Variants in CHD1L observed in about 807,000 individuals in gnomAD.
CHD1L encodes the protein chromodomain helicase DNA binding protein 1 like.
Under a neutral mutation model 115.9 loss-of-function variants are expected in CHD1L, and 118 were observed. That is an observed-to-expected ratio of 1.02 (90% CI 0.88 to 1.19). The LOEUF is 1.19. Ranked by LOEUF, CHD1L falls within the 50% of genes most tolerant of loss-of-function variation. The pLI is 0.00. For synonymous variants in CHD1L, 411 were observed against 387.1 expected (o/e 1.06, Z -0.72); for missense variants, 1,179 against 1,065.3 (o/e 1.11, Z -1.49).
intron 15 of CHD1L, among the ~76,000 whole-genome samples, chr1:147,282,703 A>C (rs1175824602): frequency 1.3e-5 from 2 of 152,230 alleles, no homozygotes; most frequent in African/African-American, 4.8e-5. Flanking sequence ...CAACACACTC[A>C]GTTCTGTACT....
chr1:147,227,964 T>C, the CHD1L span, among the ~76,000 whole-genome samples: 1 of 151,586 alleles, frequency 6.6e-6, no homozygotes, highest in African/African-American at 2.4e-5. Flanking sequence ...CAGGCTGGAG[T>C]GCAAGTGGTG....
intron 6 of CHD1L, among the ~76,000 whole-genome samples, chr1:147,263,726 G>A (rs1243959024): frequency 2.0e-5 from 3 of 151,682 alleles, no homozygotes; most frequent in Non-Finnish European, 4.4e-5. Flanking sequence ...TACTCTTGGT[G>A]TTCTTCTCTG....
intron 19 of CHD1L, among the ~76,000 whole-genome samples, chr1:147,291,111 G>A (rs1308348560): frequency 2.0e-5 from 3 of 152,120 alleles, no homozygotes; most frequent in African/African-American, 7.2e-5. Context: ...AACAGGTAGA[G>A]ATAAAGTAGA....
At chr1:147,223,936 C>G in the CHD1L span, 2 of 373,130 alleles carry the variant, frequency 5.4e-6, no homozygotes, top group Non-Finnish European at 1.0e-5. Context: ...AAGGGGATAC[C>G]CCCATCGAGA....
rs782557151 is a variant in CHD1L, at chr1:147,268,830, G to C, written c.1037G>C (p.Ser346Thr). 6.2e-7 allele frequency: 1 copy of C among 1,613,692 alleles called. No homozygotes were observed. The highest frequency in any genetic ancestry group is 1.3e-5 in the African/African-American group (1 of 74,908). The change falls in exon 10 of 23, where the codon AGT becomes ACT. Residue 346 changes from serine (S) to threonine (T), a missense_variant. Coordinates refer to ENST00000369258, the MANE Select transcript of CHD1L (RefSeq NM_004284.6). ...FEVGDHLTEA[S>T]GKLHLLDKLL... is the part of the protein sequence containing the mutation. ...GTTGGAGACCACCTGACTGAGGCTA[G>C]TGGGAAGCTTCACCTGCTGGATAAG...
the CHD1L span, chr1:147,178,195 C>T: frequency 6.2e-7 from 1 of 1,612,506 alleles, no homozygotes. Flanking sequence ...CTCCGACGTG[C>T]TAGGACTCAG....
the CHD1L span, among the ~76,000 whole-genome samples, chr1:147,227,674 T>C: frequency 6.6e-6 from 1 of 152,192 alleles, no homozygotes; most frequent in Admixed American, 6.5e-5. Flanking sequence ...GACAGCAATA[T>C]TATGAGTGAG....
chr1:147,185,989 A>T, the CHD1L span, among the ~76,000 whole-genome samples: 1 of 152,226 alleles, frequency 6.6e-6, no homozygotes, highest in Non-Finnish European at 1.5e-5. Context: ...TGACTTGTTC[A>T]AATACTTACT....
chr1:147,272,844 A>G (rs1354253891), intron 12 of CHD1L, among the ~76,000 whole-genome samples: 18 of 151,746 alleles, frequency 1.2e-4, no homozygotes, highest in Admixed American at 1.2e-3. Flanking sequence ...ATTTACTGTT[A>G]CATAATTTGA....
In CHD1L at chr1:147,293,674, C is replaced by G. The variant is rs145436064; in HGVS notation, c.2458C>G (p.Leu820Val). The G allele has an allele frequency of 1.1e-4, 178 of 1,614,048 alleles. No homozygotes were observed. The African/African-American group carries it at 2.1e-3, about 19-fold the overall frequency. ...CCTGTCTGGCATTAAGATGGCAGCC[C>G]TAGAAGAGGGCCTGAAGAAGATATT... is the stretch of plus-strand genomic sequence containing the variant. ...NVLSGIKMAALEEGLKKIFLA... is the reference protein window; with the variant it reads ...NVLSGIKMAAVEEGLKKIFLA... Residue 820 changes from leucine to valine, a missense_variant, in exon 21 of 23, where the codon CTA (leucine) becomes GTA (valine). Leu to Val is a conservative substitution (Grantham distance 32). Coordinates refer to ENST00000369258, the MANE Select transcript of CHD1L (RefSeq NM_004284.6).
chr1:147,193,057 T>C, the CHD1L span, among the ~76,000 whole-genome samples: 1 of 152,172 alleles, frequency 6.6e-6, no homozygotes, highest in Non-Finnish European at 1.5e-5. Flanking sequence ...TCTTTTTCTA[T>C]TGATTGGAAT....
At chr1:147,277,988 A>G (rs1679177863) in intron 14 of CHD1L, among the ~76,000 whole-genome samples, 1 of 151,916 alleles carries the variant, frequency 6.6e-6, no homozygotes, top group African/African-American at 2.4e-5. Flanking sequence ...ACATACCTCC[A>G]CCCCATGGGG....
the CHD1L span, among the ~76,000 whole-genome samples, chr1:147,196,374 G>A: frequency 6.6e-6 from 1 of 151,986 alleles, no homozygotes; most frequent in East Asian, 1.9e-4. Context: ...TAAGCGTTTT[G>A]AGAGTCAATT....
the CHD1L span, chr1:147,178,684 T>C: frequency 1.3e-6 from 2 of 1,575,766 alleles, no homozygotes; most frequent in Non-Finnish European, 1.7e-6. Context: ...GAATGTTGAG[T>C]CTCTGGTGAA....
At chr1:147,228,846 T>C in the CHD1L span, among the ~76,000 whole-genome samples, 4 of 152,238 alleles carry the variant, frequency 2.6e-5, no homozygotes, top group African/African-American at 9.6e-5. Flanking sequence ...GCCCACTTTT[T>C]GATGGGGTTG....
chr1:147,197,005 A>G, the CHD1L span, among the ~76,000 whole-genome samples: 1 of 152,126 alleles, frequency 6.6e-6, no homozygotes. Flanking sequence ...CATATCTTCT[A>G]AACTGGAGAT....
chr1:147,187,804 G>T, the CHD1L span, among the ~76,000 whole-genome samples: 1 of 152,192 alleles, frequency 6.6e-6, no homozygotes, highest in Admixed American at 6.5e-5. Context: ...ACCAAGTGCA[G>T]ATTTAAAGAT....
chr1:147,226,936 T>C, the CHD1L span, among the ~76,000 whole-genome samples: 3 of 152,012 alleles, frequency 2.0e-5, no homozygotes, highest in Non-Finnish European at 2.9e-5. Context: ...GGGCTCAATC[T>C]ACCCTCCCAC....
chr1:147,254,521 T>C lies in CHD1L; in HGVS notation c.241-349T>C, dbSNP rs72999632. 0.017 allele frequency among the ~76,000 whole-genome samples: 2,619 copies of C among 152,314 alleles called. 75 individuals are homozygous for C. The highest frequency in any genetic ancestry group is 0.06 in the African/African-American group (2,491 of 41,550). ...ATATCTTGGCACTTCTTGCTTAATGTTTTCAGAGTATCGCAGATCTTGGCC... is the reference window on the plus strand; with the variant it reads ...ATATCTTGGCACTTCTTGCTTAATGCTTTCAGAGTATCGCAGATCTTGGCC... On this transcript the variant is annotated intron_variant, in intron 2 of 22. Transcript: ENST00000369258.
Sources: allele counts gnomAD v4.1 joint callset (sites outside exome capture counted in the v4.1 genomes callset), GRCh38; gene constraint gnomAD v4.1.1; transcripts MANE v1.5; gene names NCBI Gene and HGNC (gene_info 2026-07-23, HGNC 2026-07-21).